BBOX1: variants seen among roughly 807,000 people sequenced by gnomAD.
BBOX1 encodes the protein gamma-butyrobetaine dioxygenase.
BBOX1 carries 35 observed loss-of-function variants against 41.6 expected under a neutral mutation model. The observed-to-expected ratio is 0.84, with a 90% CI of 0.64 to 1.11. The LOEUF (loss-of-function observed/expected upper bound fraction) is 1.11, where lower values mean the gene tolerates loss of function less well. Among genes scored for constraint, BBOX1 ranks in the 50% most tolerant of loss-of-function variants. The pLI is 0.00. For missense variants in BBOX1, 458 were observed against 460.6 expected (o/e 0.99, Z 0.05); for synonymous variants, 163 against 154.7 (o/e 1.05, Z -0.40).
At chr11:27,085,303 C>T (rs550317176) in intron 4 of BBOX1, among the ~76,000 whole-genome samples, 64 of 152,250 alleles carry the variant, frequency 4.2e-4, no homozygotes, top group Non-Finnish European at 6.2e-4. Context: ...TGTAGCAACA[C>T]GCAAGCAAGT....
At chr11:27,041,163 G>A (rs1325931107) in intron 1 of BBOX1, 53 bp from the exon 2 acceptor site, 1 of 147,404 alleles carries the variant, frequency 6.8e-6, no homozygotes, top group African/African-American at 2.5e-5. Context: ...TCCCCTCTAG[G>A]CCATAAAGCC....
At chr11:27,044,834 C>A (rs1028134616) in intron 2 of BBOX1, among the ~76,000 whole-genome samples, 5 of 152,106 alleles carry the variant, frequency 3.3e-5, no homozygotes, top group Non-Finnish European at 7.3e-5. Context: ...TTACTGTGGC[C>A]TTGTAGTATA....
chr11:27,054,140 C>G (rs957007852), intron 2 of BBOX1, among the ~76,000 whole-genome samples: 1 of 151,982 alleles, frequency 6.6e-6, no homozygotes, highest in Non-Finnish European at 1.5e-5. Flanking sequence ...TCTTACTTGT[C>G]ACTAAATCCC....
chr11:27,127,168 T>C, intron 8 of BBOX1, 125 bp from the exon 9 acceptor site: 1 of 1,067,486 alleles, frequency 9.4e-7, no homozygotes, highest in Non-Finnish European at 1.3e-6. Flanking sequence ...CAGTTTCATG[T>C]AAAGAAATAA....
chr11:27,082,403 A>G (rs1177562100), intron 4 of BBOX1, among the ~76,000 whole-genome samples: 1 of 152,094 alleles, frequency 6.6e-6, no homozygotes, highest in African/African-American at 2.4e-5. Flanking sequence ...TGATCTTTTT[A>G]TGGATGTCAT....
intron 2 of BBOX1, chr11:27,047,246 G>C (rs1851512772): frequency 6.6e-6 from 1 of 152,152 alleles, no homozygotes; most frequent in Non-Finnish European, 1.5e-5. Flanking sequence ...TGGCAAAATG[G>C]GTTGGAAAGA....
chr11:27,045,242 T>C (rs1039726127), intron 2 of BBOX1, among the ~76,000 whole-genome samples: 9 of 152,144 alleles, frequency 5.9e-5, no homozygotes, highest in African/African-American at 2.2e-4. Context: ...CTGTTATTGG[T>C]GTATAGGAAT....
intron 5 of BBOX1, among the ~76,000 whole-genome samples, chr11:27,107,007 G>A (rs965131726): frequency 5.3e-5 from 8 of 152,116 alleles, no homozygotes; most frequent in African/African-American, 1.9e-4. Context: ...ATAGTGAAAT[G>A]AAGGCAGAAA....
intron 4 of BBOX1, among the ~76,000 whole-genome samples, chr11:27,079,497 T>G (rs2134012305): frequency 6.6e-6 from 1 of 152,170 alleles, no homozygotes; most frequent in South Asian, 2.1e-4. Flanking sequence ...TGGTACAATC[T>G]CATCATCATA....
At chr11:27,093,975 A>G (rs1007291908) in intron 5 of BBOX1, among the ~76,000 whole-genome samples, 2 of 151,984 alleles carry the variant, frequency 1.3e-5, no homozygotes, top group Non-Finnish European at 2.9e-5. Context: ...TTTCTCCAAG[A>G]CTTTACAACA....
At chr11:27,052,263 G>A (rs896673661) in intron 2 of BBOX1, among the ~76,000 whole-genome samples, 25 of 151,986 alleles carry the variant, frequency 1.6e-4, no homozygotes, top group Admixed American at 1.6e-3. Flanking sequence ...TTGCTTACAT[G>A]TGTCCTCCCA....
chr11:27,125,414 A>T (rs1293895741), intron 7 of BBOX1, among the ~76,000 whole-genome samples: 2 of 152,134 alleles, frequency 1.3e-5, no homozygotes, highest in African/African-American at 4.8e-5. Flanking sequence ...AGTAATACTT[A>T]TTTTAATTTA....
intron 5 of BBOX1, among the ~76,000 whole-genome samples, chr11:27,113,817 A>G (rs1859164302): frequency 6.6e-6 from 1 of 151,742 alleles, no homozygotes; most frequent in East Asian, 1.9e-4. Context: ...GTAAAAAAAA[A>G]AAAAATCAAG....
Position 27,079,204 on chromosome 11 carries a change from T to A in BBOX1, c.335-13964T>A, listed in dbSNP as rs1376816845. 2.6e-5 allele frequency among the ~76,000 whole-genome samples: 4 copies of A among 152,290 alleles called. No individual in the cohort carries two copies. The East Asian group carries it at 7.7e-4, about 29-fold the overall frequency. On this transcript the variant is annotated intron_variant, in intron 4 of 8. Transcript: ENST00000263182. ...CCATGAAAAAAACTTTAGTCTTACA[T>A]TGGTTTGATTTCTAGCAAAAATTTA... is the stretch of plus-strand genomic sequence containing the variant.
Position 27,127,637 on chromosome 11 carries a change from A to C in BBOX1, c.*184A>C. On this transcript the variant is annotated 3_prime_UTR_variant, in exon 9 of 9. Coordinates refer to ENST00000263182, the MANE Select transcript of BBOX1 (RefSeq NM_003986.3). ...ACAATGTCAACTTTTTAGATGTTTC[A>C]CCACTCTTTTGCAAATAAAGCATCC... The C allele has an allele frequency of 1.5e-6, 1 of 672,878 alleles. No homozygotes were observed. The highest frequency in any genetic ancestry group is 2.3e-6 in the Non-Finnish European group (1 of 430,608). The allele number at this position is 672,878 out of a possible 1,614,324, so 41.7% of individuals were successfully genotyped here. A position where few individuals can be genotyped will look rare whatever the true frequency, so the allele number is the denominator to read the frequency against.
At chr11:27,048,827 A>G (rs1359877573) in intron 2 of BBOX1, among the ~76,000 whole-genome samples, 3 of 144,346 alleles carry the variant, frequency 2.1e-5, no homozygotes, top group Non-Finnish European at 4.5e-5. Context: ...TACATGTGCC[A>G]TGCTGGTGCG....
chr11:27,116,221 A>G (rs1859253843), intron 6 of BBOX1, among the ~76,000 whole-genome samples: 1 of 151,970 alleles, frequency 6.6e-6, no homozygotes, highest in Non-Finnish European at 1.5e-5. Flanking sequence ...TAACACAGGA[A>G]CAGAAAATCA....
intron 2 of BBOX1, among the ~76,000 whole-genome samples, chr11:27,045,743 C>T (rs1389825111): frequency 6.6e-6 from 1 of 152,050 alleles, no homozygotes; most frequent in Non-Finnish European, 1.5e-5. Flanking sequence ...TCTTGTTTTC[C>T]ATTTACTAAA....
chr11:27,126,660 A>C (rs368899323), intron 8 of BBOX1, among the ~76,000 whole-genome samples: 1 of 149,696 alleles, frequency 6.7e-6, no homozygotes, highest in Non-Finnish European at 1.5e-5. Context: ...AACTGAGAAG[A>C]AACATTTCTT....
Sources: allele counts gnomAD v4.1 joint callset (sites outside exome capture counted in the v4.1 genomes callset), GRCh38; gene constraint gnomAD v4.1.1; transcripts MANE v1.5; gene names NCBI Gene and HGNC (gene_info 2026-07-23, HGNC 2026-07-21).